The following EXOC6B variants were observed in gnomAD, a reference collection of about 807,000 sequenced individuals.
The protein encoded by EXOC6B is exocyst complex component 6B, also known as SEC15 homolog B.
In EXOC6B, 54 loss-of-function variants were observed where a neutral mutation model predicts 113.5. The observed-to-expected ratio is 0.48, with a 90% CI of 0.38 to 0.60. The LOEUF is 0.60. Ranked by LOEUF, EXOC6B falls within the 20% of genes least tolerant of loss-of-function variation. The probability of loss-of-function intolerance (pLI) is 0.00; values close to 1 mark genes in which losing one functional copy is unlikely to be tolerated. For synonymous variants in EXOC6B, 357 were observed against 339.0 expected (o/e 1.05, Z -0.58); for missense variants, 797 against 977.5 (o/e 0.82, Z 2.46).
chr2:72,468,739 A>C (rs1368950263), intron 17 of EXOC6B, among the ~76,000 whole-genome samples: 6 of 152,156 alleles, frequency 3.9e-5, no homozygotes, highest in Non-Finnish European at 2.9e-5. Flanking sequence ...GTAATATGGA[A>C]ATTCTAACGA....
rs143357759 is a variant in EXOC6B at position 72,605,478 on chromosome 2, G to T, written c.670-29810C>A. ...ATTGTCCTCTCAGCCCAGAGGAAAA[G>T]CATTTTATAAGTTTATACTAGTTAT... On this transcript the variant is annotated intron_variant, in intron 6 of 21. Transcript: ENST00000272427. Among the ~76,000 whole-genome samples, 588 of 152,150 alleles carry T rather than the reference G, an allele frequency of 3.9e-3. 17 individuals are homozygous for T. Among genetic ancestry groups the T allele is most frequent in the Admixed American group, 0.035 (534 of 15,278 alleles).
chr2:72,786,876 T>C (rs1361586444), intron 1 of EXOC6B, among the ~76,000 whole-genome samples: 1 of 152,150 alleles, frequency 6.6e-6, no homozygotes, highest in Non-Finnish European at 1.5e-5. Context: ...GAGGGTGTTG[T>C]CCAAGTGAAA....
intron 6 of EXOC6B, among the ~76,000 whole-genome samples, chr2:72,610,125 T>C (rs1215672283): frequency 6.6e-6 from 1 of 152,106 alleles, no homozygotes; most frequent in Non-Finnish European, 1.5e-5. Flanking sequence ...TTAAAGTAAG[T>C]GCTTCAAGTG....
At chr2:72,393,070 G>GT (rs1204784814) in intron 18 of EXOC6B, among the ~76,000 whole-genome samples, 1 of 151,084 alleles carries the variant, frequency 6.6e-6, no homozygotes. Context: ...TGAAGGTTTG[G>GT]TTTTTTTGTT....
intron 20 of EXOC6B, among the ~76,000 whole-genome samples, chr2:72,324,764 T>C (rs1688030771): frequency 6.6e-6 from 1 of 152,104 alleles, no homozygotes; most frequent in African/African-American, 2.4e-5. Flanking sequence ...AGAGGGTTCC[T>C]GAAATTTGTG....
At chr2:72,812,396 A>T (rs999561718) in intron 1 of EXOC6B, among the ~76,000 whole-genome samples, 4 of 152,266 alleles carry the variant, frequency 2.6e-5, no homozygotes, top group African/African-American at 9.6e-5. Flanking sequence ...ATAAATGGAA[A>T]TACATACAAT....
In EXOC6B at chr2:72,203,487, C is replaced by T. The variant is rs530395384; in HGVS notation, c.2197-19300G>A. 3.9e-5 allele frequency among the ~76,000 whole-genome samples: 6 copies of T among 152,188 alleles called. No homozygotes were observed. The South Asian group carries it at 1.0e-3, about 26-fold the overall frequency. ...TCACAGAGTGGTACTAAGCACAGTA[C>T]AAAGGGAATTTCACAGCTAAAGGCT... On this transcript the variant is annotated intron_variant, in intron 20 of 21. Coordinates refer to ENST00000272427, the MANE Select transcript of EXOC6B (RefSeq NM_015189.3).
At chr2:72,796,687 TAAAAA>T (rs879442616) in intron 1 of EXOC6B, among the ~76,000 whole-genome samples, 1 of 146,350 alleles carries the variant, frequency 6.8e-6, no homozygotes, top group Non-Finnish European at 1.5e-5. Flanking sequence ...AATCCTAATT[TAAAAA>T]AAAAAAAATC....
Position 72,586,173 on chromosome 2 carries a change from C to T in EXOC6B, c.670-10505G>A, listed in dbSNP as rs543372826. Among the ~76,000 whole-genome samples the T allele has an allele frequency of 4.6e-5, 7 of 152,128 alleles. No homozygotes were observed. In the East Asian group the frequency reaches 7.7e-4, roughly 17 times the overall value. On this transcript the variant is annotated intron_variant, in intron 6 of 21. Transcript: ENST00000272427. ...GAAGAAAACCTAGGAAATGTCATTCCAGACATCAGCCTTGGGAAATAATTT... is the reference window on the plus strand; with the variant it reads ...GAAGAAAACCTAGGAAATGTCATTCTAGACATCAGCCTTGGGAAATAATTT...
chr2:72,423,097 C>T lies in EXOC6B; in HGVS notation c.1980+42063G>A, dbSNP rs374578185. Among the ~76,000 whole-genome samples the T allele has an allele frequency of 3.2e-4, 48 of 152,128 alleles. No homozygotes were observed. In the East Asian group the frequency reaches 7.9e-3, roughly 25 times the overall value. On this transcript the variant is annotated intron_variant, in intron 18 of 21. Transcript: ENST00000272427. ...CTTTTATGAGCTGTAACACTCACCG[C>T]GAAGATCTGCAGCTTCACTCCTGAG...
chr2:72,761,236 A>G (rs1218613274), intron 1 of EXOC6B, among the ~76,000 whole-genome samples: 1 of 152,028 alleles, frequency 6.6e-6, no homozygotes, highest in Non-Finnish European at 1.5e-5. Flanking sequence ...CCTACTGTAC[A>G]TTTTCATTAC....
chr2:72,377,390 A>C (rs1691422574), intron 19 of EXOC6B, among the ~76,000 whole-genome samples: 1 of 152,334 alleles, frequency 6.6e-6, no homozygotes, highest in Admixed American at 6.5e-5. Context: ...TTTGTCAAAA[A>C]GATATCTGCA....
intron 11 of EXOC6B, among the ~76,000 whole-genome samples, chr2:72,512,422 A>G (rs1429786307): frequency 7.8e-6 from 1 of 127,418 alleles, no homozygotes; most frequent in Non-Finnish European, 1.7e-5. Context: ...GAAGGAAGGA[A>G]GGAAAGAAGG....
At chr2:72,674,790 C>T (rs1338449687) in intron 6 of EXOC6B, among the ~76,000 whole-genome samples, 1 of 151,426 alleles carries the variant, frequency 6.6e-6, no homozygotes, top group Non-Finnish European at 1.5e-5. Context: ...CAGTGTGAGA[C>T]TCCATCTCAA....
chr2:72,222,481 G>A (rs1281496067), intron 20 of EXOC6B, among the ~76,000 whole-genome samples: 1 of 152,112 alleles, frequency 6.6e-6, no homozygotes, highest in African/African-American at 2.4e-5. Context: ...CAAAAACCTT[G>A]TATATTTGAG....
intron 5 of EXOC6B, among the ~76,000 whole-genome samples, chr2:72,725,194 C>A (rs1680228257): frequency 6.6e-6 from 1 of 152,180 alleles, no homozygotes; most frequent in Non-Finnish European, 1.5e-5. Flanking sequence ...AGAGAAAAGA[C>A]ATACTACTTA....
intron 6 of EXOC6B, among the ~76,000 whole-genome samples, chr2:72,608,082 T>C (rs1441802612): frequency 6.6e-6 from 1 of 152,144 alleles, no homozygotes. Context: ...TAGACCTGAA[T>C]AGACACTGCT....
intron 18 of EXOC6B, among the ~76,000 whole-genome samples, chr2:72,458,404 G>T (rs565024200): frequency 6.6e-6 from 1 of 152,198 alleles, no homozygotes; most frequent in African/African-American, 2.4e-5. Flanking sequence ...AACCCAGATG[G>T]GGTAGTTTAA....
At chr2:72,605,533 T>C (rs1670702470) in intron 6 of EXOC6B, among the ~76,000 whole-genome samples, 2 of 152,180 alleles carry the variant, frequency 1.3e-5, no homozygotes, top group South Asian at 2.1e-4. Flanking sequence ...GTCTCAAACA[T>C]AAAAGTAACC....
Sources: allele counts gnomAD v4.1 joint callset (sites outside exome capture counted in the v4.1 genomes callset), GRCh38; gene constraint gnomAD v4.1.1; transcripts MANE v1.5; gene names NCBI Gene and HGNC (gene_info 2026-07-23, HGNC 2026-07-21).